Variants in EXOSC9 observed in about 807,000 individuals in gnomAD.
EXOSC9 encodes the protein exosome component 9, also known as exosome complex component RRP45.
EXOSC9 carries 38 observed loss-of-function variants against 56.5 expected under a neutral mutation model. The ratio of observed to expected loss-of-function variants is 0.67; its 90% CI spans 0.52 to 0.88. The LOEUF (loss-of-function observed/expected upper bound fraction) is 0.88, where lower values mean the gene tolerates loss of function less well. Among genes scored for constraint, EXOSC9 ranks in the 40% least tolerant of loss-of-function variants. The probability of loss-of-function intolerance (pLI) is 0.00; values close to 1 mark genes in which losing one functional copy is unlikely to be tolerated. For missense variants in EXOSC9, 559 were observed against 530.5 expected (o/e 1.05, Z -0.53); for synonymous variants, 170 against 170.8 (o/e 0.99, Z 0.04).
At chr4:121,806,913 A>C (rs934911730) in intron 5 of EXOSC9, among the ~76,000 whole-genome samples, 3 of 152,194 alleles carry the variant, frequency 2.0e-5, no homozygotes, top group Non-Finnish European at 4.4e-5. Flanking sequence ...GAGTAATGGA[A>C]ATGTTAAAAA....
At chr4:121,807,411 TAAAA>T in intron 5 of EXOSC9, 125 bp from the exon 6 acceptor site, 1 of 492,598 alleles carries the variant, frequency 2.0e-6, no homozygotes, top group Non-Finnish European at 3.6e-6. Context: ...GGTAATTAAT[TAAAA>T]GAAGTTATTT....
chr4:121,804,544 C>T, intron 4 of EXOSC9, 78 bp from the exon 5 acceptor site: 2 of 891,554 alleles, frequency 2.2e-6, no homozygotes, highest in Non-Finnish European at 3.4e-6. Flanking sequence ...ATAATTTGTA[C>T]ACAATGTTAC....
intron 6 of EXOSC9, among the ~76,000 whole-genome samples, chr4:121,808,793 T>C (rs969838343): frequency 2.0e-5 from 3 of 151,470 alleles, no homozygotes; most frequent in Non-Finnish European, 4.4e-5. Context: ...TTCTCCTGCC[T>C]CAGCCTCCTG....
chr4:121,812,334 C>CT (rs1214880143), intron 8 of EXOSC9, among the ~76,000 whole-genome samples: 1 of 152,102 alleles, frequency 6.6e-6, no homozygotes, highest in Non-Finnish European at 1.5e-5. Flanking sequence ...TAAGGATCTT[C>CT]CTTGAACGAG....
chr4:121,816,898 ATATT>A lies in EXOSC9; in HGVS notation c.*47_*50del. ...TCTGTATATATAACTATTAAAAGGG[ATATT>A]TATTCCATTCTGAGAACCCTGGGTA... On this transcript the variant is annotated 3_prime_UTR_variant, in exon 12 of 12. Transcript: ENST00000243498. The A allele has an allele frequency of 6.8e-7, 1 of 1,461,954 alleles. No homozygotes were observed. The highest frequency in any genetic ancestry group is 1.4e-5 in the South Asian group (1 of 74,064). 90.6% of individuals were successfully genotyped at this position (1,461,954 alleles called of 1,614,324 possible).
intron 6 of EXOSC9, 196 bp from the exon 7 acceptor site, chr4:121,809,771 C>G: frequency 1.7e-6 from 1 of 588,466 alleles, no homozygotes; most frequent in South Asian, 2.1e-5. Context: ...ACTAGAGATA[C>G]CCACTTAGCA....
chr4:121,813,751 C>A (rs1298034147), intron 9 of EXOSC9, 115 bp from the exon 10 acceptor site: 4 of 745,954 alleles, frequency 5.4e-6, no homozygotes, highest in African/African-American at 3.5e-5. Flanking sequence ...TTTTTTTCCC[C>A]TAGGAACTTG....
chr4:121,804,056 A>C (rs1354054194), intron 4 of EXOSC9, among the ~76,000 whole-genome samples: 2 of 152,112 alleles, frequency 1.3e-5, no homozygotes, highest in East Asian at 1.9e-4. Context: ...GCCGGAGTAC[A>C]GTGGTGTCAT....
intron 10 of EXOSC9, 110 bp downstream of exon 10, chr4:121,814,157 A>G (rs1451757502): frequency 6.2e-6 from 4 of 642,256 alleles, no homozygotes; most frequent in Admixed American, 5.7e-5. Flanking sequence ...ATCACTGTAT[A>G]TAGTAATATA....
intron 10 of EXOSC9, 38 bp from the exon 11 acceptor site, chr4:121,816,326 GCTTAA>G (rs752684168): frequency 4.7e-6 from 5 of 1,067,414 alleles, no homozygotes; most frequent in African/African-American, 1.9e-5. Context: ...GCAAGAGATT[GCTTAA>G]CTTTTTTTTT....
At position 121,813,934 on chromosome 4, in the gene EXOSC9, G is replaced by C; in HGVS notation, c.1043G>C (p.Gly348Ala). Residue 348 changes from glycine (G) to alanine (A), a missense_variant, in exon 10 of 12, where the codon GGT becomes GCT. Gly to Ala is a moderately conservative substitution (Grantham distance 60, BLOSUM62 0). Transcript: ENST00000243498. The stretch of plus-strand genomic sequence containing the variant: ...GGAGAGGGAGTAGAAAACTCCTGGG[G>C]TGATCTTGAAGACTCTGAGAAGGAA... ...QIGEGVENSW[G>A]DLEDSEKEDD... 6.2e-7 allele frequency: 1 copy of C among 1,613,386 alleles called. No individual in the cohort carries two copies. The highest frequency in any genetic ancestry group is 8.5e-7 in the Non-Finnish European group (1 of 1,179,390).
chr4:121,815,064 G>GT (rs1471083032), intron 10 of EXOSC9: 5 of 151,990 alleles, frequency 3.3e-5, no homozygotes, highest in Admixed American at 2.6e-4. Context: ...TGGGCTTTTT[G>GT]TTTTTTTACT....
intron 8 of EXOSC9, 58 bp downstream of exon 8, chr4:121,811,729 A>T (rs1560626575): frequency 5.8e-6 from 5 of 861,542 alleles, no homozygotes; most frequent in Non-Finnish European, 6.9e-6. Context: ...AATTTTTATT[A>T]TTTTTTTTAG....
intron 6 of EXOSC9, among the ~76,000 whole-genome samples, chr4:121,809,639 T>A (rs1265022211): frequency 1.3e-5 from 2 of 152,216 alleles, no homozygotes; most frequent in African/African-American, 4.8e-5. Context: ...TTAACCAATT[T>A]AACATTATCT....
At chr4:121,812,933 G>T (rs1256848897) in intron 8 of EXOSC9, among the ~76,000 whole-genome samples, 2 of 152,096 alleles carry the variant, frequency 1.3e-5, no homozygotes, top group Non-Finnish European at 2.9e-5. Context: ...CAGCATTTCA[G>T]TGTCCTCTTC....
chr4:121,816,473 A>T (rs202018156), intron 11 of EXOSC9, 26 bp downstream of exon 11: 1 of 1,363,316 alleles, frequency 7.3e-7, no homozygotes, highest in Non-Finnish European at 1.0e-6. Flanking sequence ...TTTATTTCAA[A>T]TGTATACATA....
rs1461397575 is a variant in EXOSC9, at chr4:121,808,837, G to C, written c.606-1130G>C. Among the ~76,000 whole-genome samples, 3 of 151,800 alleles carry C rather than the reference G, an allele frequency of 2.0e-5. No homozygotes were observed. In the East Asian group the frequency reaches 5.8e-4, roughly 29 times the overall value. On this transcript the variant is annotated intron_variant, in intron 6 of 11. Transcript: ENST00000243498. ...GGACCACAGGTGCACACCATGCCCAGCTAATTTCTTTATTTTTTGTAGAGA... is the reference window on the plus strand; with the variant it reads ...GGACCACAGGTGCACACCATGCCCACCTAATTTCTTTATTTTTTGTAGAGA...
In EXOSC9 at chr4:121,804,743, G is replaced by A; in HGVS notation, c.506G>A (p.Gly169Glu). The change falls in exon 5 of 12, where the codon GGA becomes GAA. Residue 169 changes from glycine to glutamate, a missense_variant. Gly to Glu is a moderately conservative substitution (Grantham distance 98). Transcript: ENST00000243498. ...HFRRPDVSVQ[G>E]DEVTLYTPEE... ...CGAAGACCTGATGTCTCTGTCCAAGGAGATGAAGTAACACTGGTAAGCTCC... is the reference window on the plus strand; with the variant it reads ...CGAAGACCTGATGTCTCTGTCCAAGAAGATGAAGTAACACTGGTAAGCTCC... 1 of 1,609,676 alleles carries A rather than the reference G, an allele frequency of 6.2e-7. No individual in the cohort carries two copies.
intron 11 of EXOSC9, 24 bp downstream of exon 11, chr4:121,816,471 A>G: frequency 7.1e-7 from 1 of 1,399,712 alleles, no homozygotes; most frequent in Non-Finnish European, 9.9e-7. Context: ...GGTTTATTTC[A>G]AATGTATACA....
Sources: gnomAD v4.1 joint callset for allele counts (sites outside exome capture counted in the v4.1 genomes callset) on GRCh38, gnomAD v4.1.1 for gene constraint, MANE v1.5 for transcripts, NCBI Gene and HGNC (gene_info 2026-07-23, HGNC 2026-07-21) for gene names.